Variants in RSPO3 observed in about 807,000 individuals in gnomAD.
RSPO3 encodes R-spondin 3.
Under a neutral mutation model 36.5 loss-of-function variants are expected in RSPO3, and 17 were observed. The ratio of observed to expected loss-of-function variants is 0.47; its 90% confidence interval spans 0.32 to 0.70. The LOEUF (loss-of-function observed/expected upper bound fraction) is 0.70, where lower values mean the gene tolerates loss of function less well. Ranked by LOEUF, RSPO3 falls within the 30% of genes least tolerant of loss-of-function variation. The pLI is 0.04. For synonymous variants in RSPO3, 108 were observed against 107.0 expected (o/e 1.01, Z -0.06); for missense variants, 294 against 322.5 (o/e 0.91, Z 0.68).
At chr6:127,127,291 C>G (rs1276726776) in intron 1 of RSPO3, among the ~76,000 whole-genome samples, 1 of 152,084 alleles carries the variant, frequency 6.6e-6, no homozygotes, top group Non-Finnish European at 1.5e-5. Flanking sequence ...TACAAAGAGA[C>G]TTCAAAGGTA....
chr6:127,131,585 C>T (rs1439121815), intron 1 of RSPO3, among the ~76,000 whole-genome samples: 3 of 152,100 alleles, frequency 2.0e-5, no homozygotes, highest in African/African-American at 7.2e-5. Context: ...CTTCCTCATC[C>T]ACTCCACAAA....
intron 1 of RSPO3, among the ~76,000 whole-genome samples, chr6:127,125,642 CATT>C: frequency 6.6e-6 from 1 of 152,132 alleles, no homozygotes; most frequent in Admixed American, 6.6e-5. Flanking sequence ...CAAACATAAA[CATT>C]CATTGATTAT....
At chr6:127,139,344 G>A (rs1268603838) in intron 1 of RSPO3, among the ~76,000 whole-genome samples, 4 of 152,018 alleles carry the variant, frequency 2.6e-5, no homozygotes, top group Non-Finnish European at 5.9e-5. Flanking sequence ...TGCTACTTTA[G>A]CATGCTATGT....
intron 4 of RSPO3, among the ~76,000 whole-genome samples, chr6:127,172,824 A>C (rs1043206182): frequency 4.0e-5 from 6 of 151,744 alleles, no homozygotes; most frequent in Non-Finnish European, 7.4e-5. Flanking sequence ...GAGTGTGAGT[A>C]GTAGATTTCA....
intron 1 of RSPO3, among the ~76,000 whole-genome samples, chr6:127,121,947 T>C (rs9482770): frequency 0.4 from 60,240 of 151,984 alleles, 12,192 homozygotes; most frequent in East Asian, 0.53. Context: ...AAGCTTAAAA[T>C]CATCAATAAA....
At chr6:127,177,767 C>G (rs945640047) in intron 4 of RSPO3, among the ~76,000 whole-genome samples, 1 of 151,486 alleles carries the variant, frequency 6.6e-6, no homozygotes, top group Non-Finnish European at 1.5e-5. Flanking sequence ...TTGCAAGAAG[C>G]CAATTTTTTT....
In RSPO3 at chr6:127,196,082, T is replaced by C; in HGVS notation, c.*75T>C. ...ATGCCCAGGACAGGTGCTCTAGCCA[T>C]TAGGACCACAAATGGACATGTCAGT... On this transcript the variant is annotated 3_prime_UTR_variant, in exon 5 of 5. Coordinates refer to ENST00000356698, the MANE Select transcript of RSPO3 (RefSeq NM_032784.5). 1 of 1,258,018 alleles carries C rather than the reference T, an allele frequency of 7.9e-7. No homozygotes were observed. The highest frequency in any genetic ancestry group is 2.4e-5 in the Admixed American group (1 of 41,362). The allele number at this position is 1,258,018 out of a possible 1,614,324, so 77.9% of individuals were successfully genotyped here.
intron 4 of RSPO3, among the ~76,000 whole-genome samples, chr6:127,185,783 G>A (rs1056528465): frequency 3.3e-5 from 5 of 152,088 alleles, no homozygotes; most frequent in Admixed American, 2.6e-4. Flanking sequence ...GTCAACTAGT[G>A]CATAACATGA....
intron 1 of RSPO3, among the ~76,000 whole-genome samples, chr6:127,125,909 A>C (rs1475364931): frequency 6.6e-6 from 1 of 152,106 alleles, no homozygotes; most frequent in Non-Finnish European, 1.5e-5. Context: ...TATGAGGAAG[A>C]GATGATTTAC....
At chr6:127,195,023 CTTA>C (rs920720277) in intron 4 of RSPO3, among the ~76,000 whole-genome samples, 15 of 152,194 alleles carry the variant, frequency 9.9e-5, no homozygotes, top group Middle Eastern at 3.4e-3. Context: ...GTTATTCATC[CTTA>C]TTATTTCTGC....
intron 1 of RSPO3, among the ~76,000 whole-genome samples, chr6:127,143,251 AAAG>A (rs1179803841): frequency 5.9e-5 from 9 of 152,160 alleles, no homozygotes; most frequent in African/African-American, 1.9e-4. Flanking sequence ...ATAGAGGAAA[AAAG>A]AAGAAGAAAT....
chr6:127,131,645 C>T (rs542532033), intron 1 of RSPO3, among the ~76,000 whole-genome samples: 19 of 152,152 alleles, frequency 1.2e-4, no homozygotes, highest in African/African-American at 4.1e-4. Context: ...TTATAATCTT[C>T]CAAAGAAAAA....
At position 127,118,913 on chromosome 6, in the gene RSPO3, C is replaced by A. The variant is rs1449345806; in HGVS notation, c.-280C>A. On this transcript the variant is annotated 5_prime_UTR_variant, in exon 1 of 5. Coordinates refer to ENST00000356698, the MANE Select transcript of RSPO3 (RefSeq NM_032784.5). ...CACAACATGCTACCTGCGGCCGCCCCGGCGGCTCCTGGAACCCCGGTTCGC... is the reference window on the plus strand; with the variant it reads ...CACAACATGCTACCTGCGGCCGCCCAGGCGGCTCCTGGAACCCCGGTTCGC... 4 of 251,662 alleles carry A rather than the reference C, an allele frequency of 1.6e-5. No homozygotes were observed. The highest frequency in any genetic ancestry group is 3.0e-5 in the Non-Finnish European group (4 of 133,552). 15.6% of individuals were successfully genotyped at this position (251,662 alleles called of 1,614,324 possible). A position where few individuals can be genotyped will look rare whatever the true frequency, so the allele number is the denominator to read the frequency against.
chr6:127,171,544 A>G (rs1226422688), intron 4 of RSPO3, among the ~76,000 whole-genome samples: 1 of 151,808 alleles, frequency 6.6e-6, no homozygotes, highest in Non-Finnish European at 1.5e-5. Flanking sequence ...ACTATGGAAA[A>G]CAAAGATGAA....
At chr6:127,180,722 T>C (rs1294244852) in intron 4 of RSPO3, among the ~76,000 whole-genome samples, 1 of 151,824 alleles carries the variant, frequency 6.6e-6, no homozygotes, top group African/African-American at 2.4e-5. Context: ...GCTGTTCTAT[T>C]ATTAAGGGTG....
intron 4 of RSPO3, among the ~76,000 whole-genome samples, chr6:127,162,667 T>A (rs1774731568): frequency 6.6e-6 from 1 of 152,148 alleles, no homozygotes; most frequent in Non-Finnish European, 1.5e-5. Context: ...ACAAAATTCT[T>A]TTCATCATAG....
At chr6:127,162,846 T>G (rs1244572608) in intron 4 of RSPO3, among the ~76,000 whole-genome samples, 1 of 152,180 alleles carries the variant, frequency 6.6e-6, no homozygotes, top group African/African-American at 2.4e-5. Context: ...CATTTGTTAA[T>G]GCTGGCAAAA....
intron 1 of RSPO3, among the ~76,000 whole-genome samples, chr6:127,121,604 C>T (rs1773847484): frequency 6.6e-6 from 1 of 152,142 alleles, no homozygotes; most frequent in Admixed American, 6.5e-5. Flanking sequence ...AGGAGACAGA[C>T]TAGACTCTTG....
chr6:127,135,668 G>A (rs1288238320), intron 1 of RSPO3, among the ~76,000 whole-genome samples: 1 of 151,338 alleles, frequency 6.6e-6, no homozygotes, highest in Non-Finnish European at 1.5e-5. Flanking sequence ...GGCTCTCACA[G>A]GTAATCCCAG....
Sources: allele counts gnomAD v4.1 joint callset (sites outside exome capture counted in the v4.1 genomes callset), GRCh38; gene constraint gnomAD v4.1.1; transcripts MANE v1.5; gene names NCBI Gene and HGNC (gene_info 2026-07-23, HGNC 2026-07-21).